FAM227B: variants seen among roughly 807,000 people sequenced by gnomAD.
The protein encoded by FAM227B is family with sequence similarity 227 member B.
Under a neutral mutation model 73.8 loss-of-function variants are expected in FAM227B, and 88 were observed. The ratio of observed to expected loss-of-function variants is 1.19; its 90% CI spans 1.00 to 1.42. FAM227B has a LOEUF of 1.42. FAM227B is among the 40% of genes most tolerant of loss of function. The probability of loss-of-function intolerance (pLI) is 0.00; values close to 1 mark genes in which losing one functional copy is unlikely to be tolerated. For synonymous variants in FAM227B, 210 were observed against 190.5 expected, an observed-to-expected ratio of 1.10 and a Z score of -0.84; for missense variants, 632 against 590.9, an observed-to-expected ratio of 1.07 and a Z score of -0.72.
chr15:49,615,763 T>C (rs1158321973), intron 1 of FAM227B, among the ~76,000 whole-genome samples: 1 of 152,216 alleles, frequency 6.6e-6, no homozygotes, highest in Non-Finnish European at 1.5e-5. Flanking sequence ...CTGGAAAATA[T>C]ATTCTGCTCA....
chr15:49,396,827 C>T (rs1442526473), intron 11 of FAM227B, among the ~76,000 whole-genome samples: 59 of 151,684 alleles, frequency 3.9e-4, no homozygotes, highest in Non-Finnish European at 6.8e-4. Context: ...AAAGGACATC[C>T]ACACCAAAAA....
intron 11 of FAM227B, among the ~76,000 whole-genome samples, chr15:49,467,906 T>C (rs535377778): frequency 5.3e-4 from 80 of 152,120 alleles, no homozygotes; most frequent in Non-Finnish European, 1.1e-3. Flanking sequence ...TGCAATACAG[T>C]TCAATGATGT....
At chr15:49,532,126 A>G (rs2060657007) in intron 10 of FAM227B, among the ~76,000 whole-genome samples, 1 of 150,814 alleles carries the variant, frequency 6.6e-6, no homozygotes, top group Non-Finnish European at 1.5e-5. Flanking sequence ...AAATGATAAC[A>G]GATATTTAGG....
intron 10 of FAM227B, among the ~76,000 whole-genome samples, chr15:49,540,056 A>C (rs967892): frequency 0.7 from 106,377 of 151,484 alleles, 37,648 homozygotes; most frequent in East Asian, 0.92. Flanking sequence ...CTTATTGAGG[A>C]TGGAGCACAG....
At chr15:49,507,791 T>C (rs2058691484) in intron 11 of FAM227B, among the ~76,000 whole-genome samples, 1 of 152,028 alleles carries the variant, frequency 6.6e-6, no homozygotes, top group Admixed American at 6.6e-5. Flanking sequence ...TAAATTTATA[T>C]GGAAATTTAA....
At chr15:49,490,433 T>C (rs151227956) in intron 11 of FAM227B, among the ~76,000 whole-genome samples, 19 of 152,102 alleles carry the variant, frequency 1.2e-4, no homozygotes, top group African/African-American at 4.3e-4. Context: ...TTCTTCAGAA[T>C]AGGAGCCTGT....
At chr15:49,522,514 AC>A (rs2059861031) in intron 10 of FAM227B, among the ~76,000 whole-genome samples, 2 of 152,280 alleles carry the variant, frequency 1.3e-5, no homozygotes, top group South Asian at 4.1e-4. Flanking sequence ...GCTCAATAAG[AC>A]CCAAGACAAA....
At chr15:49,605,816 G>A (rs558814454) in intron 3 of FAM227B, among the ~76,000 whole-genome samples, 1 of 152,216 alleles carries the variant, frequency 6.6e-6, no homozygotes, top group African/African-American at 2.4e-5. Context: ...AATCCAAGGG[G>A]CTGGCATGGA....
intron 11 of FAM227B, among the ~76,000 whole-genome samples, chr15:49,375,192 T>C (rs1439673364): frequency 7.2e-5 from 11 of 152,202 alleles, no homozygotes; most frequent in African/African-American, 2.7e-4. Context: ...CAAGTGTTTA[T>C]ACATATACTT....
chr15:49,395,255 G>A (rs1160184005), intron 11 of FAM227B, among the ~76,000 whole-genome samples: 2 of 151,092 alleles, frequency 1.3e-5, no homozygotes, highest in African/African-American at 2.4e-5. Flanking sequence ...GGGTTTTAAG[G>A]TTTTTTTTGT....
Position 49,489,842 on chromosome 15 carries a change from TA to T in FAM227B, c.1012+18368del, listed in dbSNP as rs1307398694. The stretch of plus-strand genomic sequence containing the variant: ...ATATTTTATATATATATATATATTT[TA>T]TATATATATATATATTTTATATATA... On this transcript the variant is annotated intron_variant, in intron 11 of 15. Transcript: ENST00000299338. Among the ~76,000 whole-genome samples, 9 of 13,276 alleles carry T rather than the reference TA, an allele frequency of 6.8e-4. 1 individual carries two copies. In the South Asian group the frequency reaches 0.012, roughly 18 times the overall value. The allele number at this position is 13,276 out of a possible 152,430, so 8.7% of individuals were successfully genotyped here.
chr15:49,363,792 A>G (rs2044658011), intron 13 of FAM227B, among the ~76,000 whole-genome samples: 1 of 152,072 alleles, frequency 6.6e-6, no homozygotes, highest in African/African-American at 2.4e-5. Flanking sequence ...TGTTCCTTCA[A>G]TGTCTAGTTT....
chr15:49,563,541 C>A (rs1567587754), intron 9 of FAM227B, among the ~76,000 whole-genome samples: 2 of 151,918 alleles, frequency 1.3e-5, no homozygotes, highest in Non-Finnish European at 1.5e-5. Flanking sequence ...CAAAGCAATC[C>A]CAAGCAAAAA....
intron 11 of FAM227B, among the ~76,000 whole-genome samples, chr15:49,456,280 G>A (rs1597318155): frequency 6.6e-6 from 1 of 151,958 alleles, no homozygotes; most frequent in Non-Finnish European, 1.5e-5. Flanking sequence ...GATCATAATA[G>A]AATGCTTTGT....
At chr15:49,551,809 A>G (rs551150050) in intron 9 of FAM227B, among the ~76,000 whole-genome samples, 1 of 152,292 alleles carries the variant, frequency 6.6e-6, no homozygotes, top group East Asian at 1.9e-4. Context: ...ACTATTTTAA[A>G]ACCCATATTT....
intron 3 of FAM227B, among the ~76,000 whole-genome samples, chr15:49,602,605 C>G (rs182641787): frequency 6.6e-6 from 1 of 152,302 alleles, no homozygotes; most frequent in East Asian, 1.9e-4. Context: ...TGTCTCTTCA[C>G]TTTACTGGTG....
chr15:49,483,110 CTG>C (rs1290895541), intron 11 of FAM227B: 1 of 1,126,886 alleles, frequency 8.9e-7, no homozygotes, highest in Non-Finnish European at 1.3e-6. Context: ...ATTTGCAAAA[CTG>C]AACGAATATT....
At chr15:49,442,347 G>A (rs941951933) in intron 11 of FAM227B, among the ~76,000 whole-genome samples, 3 of 151,528 alleles carry the variant, frequency 2.0e-5, no homozygotes, top group Admixed American at 6.6e-5. Context: ...AACTCTCCAC[G>A]AAGCTCCCCT....
chr15:49,335,494 AGTGTGC>A lies in FAM227B; in HGVS notation c.1272-4_1273del, dbSNP rs2039549217. On this transcript the variant is annotated splice_acceptor_variant and splice_polypyrimidine_tract_variant and coding_sequence_variant and intron_variant, in exon 14 of 16. Transcript: ENST00000299338. LOFTEE classifies it high-confidence loss of function. The stretch of plus-strand genomic sequence containing the variant: ...AACATCACGGTATGTTGGAGCAGGT[AGTGTGC>A]TAGGCTTATTATTAAGGAATGATTT... 5 of 1,612,024 alleles carry A rather than the reference AGTGTGC, an allele frequency of 3.1e-6. No individual in the cohort carries two copies. In the East Asian group the frequency reaches 1.1e-4, roughly 36 times the overall value.
Sources: allele counts gnomAD v4.1 joint callset (sites outside exome capture counted in the v4.1 genomes callset), GRCh38; gene constraint gnomAD v4.1.1; transcripts MANE v1.5; gene names NCBI Gene and HGNC (gene_info 2026-07-23, HGNC 2026-07-21).